Variants in GABRA4 observed in about 807,000 individuals in gnomAD.
GABRA4 encodes the protein gamma-aminobutyric acid type A receptor subunit alpha4, also known as gamma-aminobutyric acid receptor subunit alpha-4.
A neutral mutation model predicts 49.7 loss-of-function variants in GABRA4; 12 were observed. The ratio of observed to expected loss-of-function variants is 0.24; its 90% confidence interval spans 0.15 to 0.39. The LOEUF (loss-of-function observed/expected upper bound fraction) is 0.39, where lower values mean the gene tolerates loss of function less well. Ranked by LOEUF, GABRA4 falls within the 10% of genes least tolerant of loss-of-function variation. The probability of loss-of-function intolerance (pLI) is 1.00; values close to 1 mark genes in which losing one functional copy is unlikely to be tolerated. For synonymous variants in GABRA4, 288 were observed against 240.2 expected, an observed-to-expected ratio of 1.20 and a Z score of -1.84; for missense variants, 506 against 686.0, an observed-to-expected ratio of 0.74 and a Z score of 2.93.
chr4:46,941,876 G>A (rs879939119), intron 8 of GABRA4, among the ~76,000 whole-genome samples: 2 of 152,072 alleles, frequency 1.3e-5, no homozygotes, highest in Non-Finnish European at 2.9e-5. Context: ...TTTCCTCTGG[G>A]GGTGGTGACT....
chr4:46,935,998 G>A (rs1369512864), intron 8 of GABRA4, among the ~76,000 whole-genome samples: 3 of 152,094 alleles, frequency 2.0e-5, no homozygotes, highest in Non-Finnish European at 4.4e-5. Context: ...TGCATAAGAC[G>A]TATGTCAAAA....
chr4:46,963,321 C>T (rs1213838631), intron 8 of GABRA4, among the ~76,000 whole-genome samples: 1 of 151,746 alleles, frequency 6.6e-6, no homozygotes, highest in Non-Finnish European at 1.5e-5. Flanking sequence ...GTGTTCTCAG[C>T]CAAATCTCAA....
intron 2 of GABRA4, among the ~76,000 whole-genome samples, chr4:46,988,552 T>C (rs989140609): frequency 7.2e-5 from 11 of 152,330 alleles, no homozygotes; most frequent in African/African-American, 2.6e-4. Context: ...TGGAGAAACA[T>C]AGATCATTTG....
At position 46,922,039 on chromosome 4, in the gene GABRA4, C is replaced by A. The variant is rs186391074; in HGVS notation, c.*6186G>T. 6.6e-6 allele frequency: 1 copy of A among 151,796 alleles called. No homozygotes were observed. The highest frequency in any genetic ancestry group is 2.4e-5 in the African/African-American group (1 of 41,298). 9.4% of individuals were successfully genotyped at this position (151,796 alleles called of 1,614,324 possible). A position where few individuals can be genotyped will look rare whatever the true frequency, so the allele number is the denominator to read the frequency against. Reference sequence around the variant, plus strand: ...GAAAAAGACAAAATCTGTCTTCATACGATTTTACTATATACTTCCGAATAG... The same window carrying A: ...GAAAAAGACAAAATCTGTCTTCATAAGATTTTACTATATACTTCCGAATAG... On this transcript the variant is annotated 3_prime_UTR_variant, in exon 9 of 9. Coordinates refer to ENST00000264318, the MANE Select transcript of GABRA4 (RefSeq NM_000809.4).
intron 8 of GABRA4, among the ~76,000 whole-genome samples, chr4:46,959,210 G>A (rs991222462): frequency 6.6e-6 from 1 of 151,760 alleles, no homozygotes; most frequent in African/African-American, 2.4e-5. Flanking sequence ...GAAGGCATTT[G>A]ATGACAAGTG....
intron 8 of GABRA4, among the ~76,000 whole-genome samples, chr4:46,948,233 C>T (rs1015243492): frequency 3.9e-5 from 6 of 151,992 alleles, no homozygotes; most frequent in Non-Finnish European, 1.5e-5. Flanking sequence ...ATCTTAAGTC[C>T]TCCACTGAAC....
Position 46,922,942 on chromosome 4 carries a change from T to C in GABRA4, c.*5283A>G, listed in dbSNP as rs1333419513. 6.6e-6 allele frequency: 1 copy of C among 152,196 alleles called. No homozygotes were observed. The highest frequency in any genetic ancestry group is 2.4e-5 in the African/African-American group (1 of 41,430). 9.4% of individuals were successfully genotyped at this position (152,196 alleles called of 1,614,324 possible). ...CACAACAGGAGGTGAGTGGCACCCA[T>C]TGAGCATTATCGCCTGAGCTCTGCC... On this transcript the variant is annotated 3_prime_UTR_variant, in exon 9 of 9. Coordinates refer to ENST00000264318, the MANE Select transcript of GABRA4 (RefSeq NM_000809.4).
Position 46,928,633 on chromosome 4 carries a change from T to C in GABRA4, c.1257A>G (p.Glu419=). ...HSSKSSTVVQ[E]SSKGTPRSYL... The stretch of plus-strand genomic sequence containing the variant: ...AAGACCGAGGTGTGCCTTTAGAAGA[T>C]TCTTGAACAACTGTGGAAGATTTGC... The change falls in exon 9 of 9, where the codon GAA becomes GAG. Residue 419 remains glutamate, a synonymous_variant. Coordinates refer to ENST00000264318, the MANE Select transcript of GABRA4 (RefSeq NM_000809.4). 6.2e-7 allele frequency: 1 copy of C among 1,613,702 alleles called. No individual in the cohort carries two copies. The highest frequency in any genetic ancestry group is 8.5e-7 in the Non-Finnish European group (1 of 1,179,774).
chr4:46,928,503 A>G lies in GABRA4; in HGVS notation c.1387T>C (p.Tyr463His), dbSNP rs768002851. The G allele has an allele frequency of 6.2e-7, 1 of 1,613,646 alleles. No homozygotes were observed. Among genetic ancestry groups the G allele is most frequent in the South Asian group, 1.1e-5 (1 of 91,076 alleles). ...CCAACTGAAGCCTTTCGAGGCATAT[A>G]TCCAGTTCGGATAGAAGTAGGAGAA... ...SASPTSIRTG[Y>H]MPRKASVGSA... Residue 463 changes from tyrosine to histidine, a missense_variant, in exon 9 of 9, where the codon TAT becomes CAT. Coordinates refer to ENST00000264318, the MANE Select transcript of GABRA4 (RefSeq NM_000809.4).
chr4:46,969,660 T>C (rs1001554784), intron 7 of GABRA4, among the ~76,000 whole-genome samples: 16 of 151,500 alleles, frequency 1.1e-4, no homozygotes, highest in African/African-American at 3.9e-4. Context: ...AGATACCCTA[T>C]ATTGAGAACG....
chr4:46,986,097 T>C (rs1357855634), intron 2 of GABRA4, among the ~76,000 whole-genome samples: 1 of 152,116 alleles, frequency 6.6e-6, no homozygotes, highest in Non-Finnish European at 1.5e-5. Context: ...AACTTGTTTT[T>C]CATGCCTAGG....
intron 2 of GABRA4, among the ~76,000 whole-genome samples, chr4:46,986,585 A>G (rs1051155774): frequency 6.6e-6 from 1 of 151,980 alleles, no homozygotes; most frequent in Non-Finnish European, 1.5e-5. Flanking sequence ...TCAAAACTCA[A>G]TATTTGTACC....
At chr4:46,974,976 C>A (rs962883702) in intron 5 of GABRA4, among the ~76,000 whole-genome samples, 3 of 151,956 alleles carry the variant, frequency 2.0e-5, no homozygotes. Context: ...TATAATTACA[C>A]AACCAATTCC....
chr4:46,974,460 C>A, intron 5 of GABRA4, 85 bp from the exon 6 acceptor site: 1 of 1,240,860 alleles, frequency 8.1e-7, no homozygotes, highest in East Asian at 2.5e-5. Flanking sequence ...AGTACTTGTT[C>A]AAGAAAGATG....
intron 8 of GABRA4, among the ~76,000 whole-genome samples, chr4:46,950,865 C>A (rs1345693430): frequency 1.3e-5 from 2 of 152,010 alleles, no homozygotes; most frequent in Non-Finnish European, 2.9e-5. Context: ...GCTCTTCCAG[C>A]CAAGCTAGCC....
intron 5 of GABRA4, among the ~76,000 whole-genome samples, chr4:46,976,199 C>T (rs989695832): frequency 6.6e-5 from 10 of 151,274 alleles, no homozygotes; most frequent in African/African-American, 2.4e-4. Context: ...CATCCTGTTG[C>T]CTTCATTTCT....
chr4:46,944,031 A>G (rs1205609459), intron 8 of GABRA4, among the ~76,000 whole-genome samples: 2 of 152,070 alleles, frequency 1.3e-5, no homozygotes, highest in African/African-American at 2.4e-5. Flanking sequence ...CAGTTATGTA[A>G]CATGAGTAAA....
rs1723816411 is a variant in GABRA4, at chr4:46,992,929, C to T, written c.104G>A (p.Gly35Glu). The stretch of plus-strand genomic sequence containing the variant: ...CAATTTCTCCTCCTTTTGGTTCTGT[C>T]CTGGGGATTCGTTTAAACTGCAAGC... ...CLAVCLNESP[G>E]QNQKEEKLCT... The change falls in exon 2 of 9, where the codon GGA (glycine) becomes GAA (glutamate). Residue 35 changes from glycine (G) to glutamate (E), a missense_variant. By Grantham distance (98) the Gly-to-Glu change is moderately conservative. This residue lies in a region of GABRA4 where 195 missense variants were observed against 326.0 expected (regional missense o/e 0.60). Transcript: ENST00000264318. 6.2e-7 allele frequency: 1 copy of T among 1,610,668 alleles called. No homozygotes were observed. Among genetic ancestry groups the T allele is most frequent in the Middle Eastern group, 1.7e-4 (1 of 6,054 alleles).
At chr4:46,978,579 T>C in intron 3 of GABRA4, among the ~76,000 whole-genome samples, 1 of 145,490 alleles carries the variant, frequency 6.9e-6, no homozygotes, top group Non-Finnish European at 1.5e-5. Flanking sequence ...CCCAGCTACT[T>C]GGGAGGTTGA....
Sources: gnomAD v4.1 joint callset for allele counts (sites outside exome capture counted in the v4.1 genomes callset) on GRCh38, gnomAD v4.1.1 for gene constraint, gnomAD v4.1.1 regional missense constraint, MANE v1.5 for transcripts, NCBI Gene and HGNC (gene_info 2026-07-23, HGNC 2026-07-21) for gene names.